Variants in NOX4 observed in about 807,000 individuals in gnomAD.
NOX4 encodes kidney oxidase-1.
Under a neutral mutation model 87.6 loss-of-function variants are expected in NOX4, and 69 were observed. The ratio of observed to expected loss-of-function variants is 0.79; its 90% CI spans 0.65 to 0.96. NOX4 has a LOEUF of 0.96. NOX4 is among the 40% of genes least tolerant of loss of function. The probability of loss-of-function intolerance (pLI) is 0.00; values close to 1 mark genes in which losing one functional copy is unlikely to be tolerated. For missense variants in NOX4, 680 were observed against 681.5 expected, an observed-to-expected ratio of 1.00 and a Z score of 0.02; for synonymous variants, 275 against 238.2, an observed-to-expected ratio of 1.15 and a Z score of -1.42.
Position 89,460,186 on chromosome 11 carries a change from C to T in NOX4, c.154-8291G>A, listed in dbSNP as rs551037249. Among the ~76,000 whole-genome samples the T allele has an allele frequency of 7.2e-5, 11 of 152,162 alleles. No homozygotes were observed. In the South Asian group the frequency reaches 2.1e-3, roughly 29 times the overall value. ...CAAGATGGATTAAAGACTTAAATGT[C>T]AGACCTAAAATCAAAAAAACCCTAG... On this transcript the variant is annotated intron_variant, in intron 2 of 17. Coordinates refer to ENST00000263317, the MANE Select transcript of NOX4 (RefSeq NM_016931.5).
At chr11:89,343,871 T>C (rs1240091616) in intron 13 of NOX4, among the ~76,000 whole-genome samples, 1 of 152,098 alleles carries the variant, frequency 6.6e-6, no homozygotes, top group Admixed American at 6.6e-5. Context: ...AAGATAATTC[T>C]AAGAATAAGA....
intron 8 of NOX4, among the ~76,000 whole-genome samples, chr11:89,418,803 A>C (rs1367063266): frequency 2.0e-5 from 3 of 152,000 alleles, no homozygotes; most frequent in Admixed American, 6.6e-5. Flanking sequence ...GAGGAGCTTA[A>C]AAGAGGCTTG....
At chr11:89,489,502 C>A (rs551013750) in intron 2 of NOX4, among the ~76,000 whole-genome samples, 1 of 151,790 alleles carries the variant, frequency 6.6e-6, no homozygotes, top group Non-Finnish European at 1.5e-5. Context: ...CTGAGGCAGG[C>A]GGATCACTTG....
chr11:89,530,990 G>A, the NOX4 span, among the ~76,000 whole-genome samples: 6 of 152,064 alleles, frequency 3.9e-5, no homozygotes, highest in Non-Finnish European at 8.8e-5. Context: ...TCCTTCCAGT[G>A]ACCCAGCTGC....
the NOX4 span, among the ~76,000 whole-genome samples, chr11:89,531,773 C>A: frequency 6.6e-6 from 1 of 152,240 alleles, no homozygotes; most frequent in Non-Finnish European, 1.5e-5. Context: ...AGCAGCCCCT[C>A]CCATCACAGG....
chr11:89,332,253 C>T lies in NOX4; in HGVS notation c.1616+3592G>A, dbSNP rs1945506781. 2.0e-5 allele frequency among the ~76,000 whole-genome samples: 3 copies of T among 151,674 alleles called. No homozygotes were observed. In the Admixed American group the frequency reaches 2.0e-4, roughly 10 times the overall value. On this transcript the variant is annotated intron_variant, in intron 17 of 17. Coordinates refer to ENST00000263317, the MANE Select transcript of NOX4 (RefSeq NM_016931.5). ...ACAGGAGTAAATGTGAGAGACTAAA[C>T]CTAGTTATTCTTAAATTGTATTGTT...
chr11:89,510,755 G>T, the NOX4 span, among the ~76,000 whole-genome samples: 5 of 151,916 alleles, frequency 3.3e-5, no homozygotes, highest in African/African-American at 1.2e-4. Flanking sequence ...CATGCTTCTG[G>T]CTTACATGGT....
chr11:89,571,660 T>C, the NOX4 span, among the ~76,000 whole-genome samples: 4 of 151,610 alleles, frequency 2.6e-5, no homozygotes, highest in African/African-American at 9.7e-5. Context: ...TGTTATGTTT[T>C]CTTTGTAAAA....
At chr11:89,524,352 T>C in the NOX4 span, among the ~76,000 whole-genome samples, 2 of 152,246 alleles carry the variant, frequency 1.3e-5, no homozygotes, top group African/African-American at 4.8e-5. Flanking sequence ...GTTAAAATAA[T>C]GTAAGGAAAA....
At chr11:89,585,695 C>T in the NOX4 span, among the ~76,000 whole-genome samples, 2 of 152,204 alleles carry the variant, frequency 1.3e-5, no homozygotes, top group African/African-American at 2.4e-5. Flanking sequence ...TGTCCATCCT[C>T]CCGTATGCCT....
At chr11:89,531,968 G>A in the NOX4 span, among the ~76,000 whole-genome samples, 6 of 152,316 alleles carry the variant, frequency 3.9e-5, no homozygotes, top group African/African-American at 7.2e-5. Context: ...GGCAGCTTCC[G>A]TGTGGTGTGG....
chr11:89,409,371 TG>T lies in NOX4; in HGVS notation c.630-6830del, dbSNP rs1031363865. Among the ~76,000 whole-genome samples, 33 of 152,232 alleles carry T rather than the reference TG, an allele frequency of 2.2e-4. No homozygotes were observed. The South Asian group carries it at 2.9e-3, about 13-fold the overall frequency. On this transcript the variant is annotated intron_variant, in intron 8 of 17. Transcript: ENST00000263317. ...AAAGTATTTGGTCTATCTCCAAAAC[TG>T]GGGAAAAAATAAACTCGCAGTTTGG...
intron 4 of NOX4, among the ~76,000 whole-genome samples, chr11:89,446,967 G>C (rs919470406): frequency 1.3e-5 from 2 of 152,106 alleles, no homozygotes; most frequent in East Asian, 1.9e-4. Context: ...GGCTATACAT[G>C]CATGAGGACA....
chr11:89,478,214 C>A (rs1304259468), intron 2 of NOX4, among the ~76,000 whole-genome samples: 5 of 152,070 alleles, frequency 3.3e-5, no homozygotes, highest in Admixed American at 3.3e-4. Flanking sequence ...AAAAAAAAAT[C>A]TTATAAGCGA....
At chr11:89,410,179 A>C (rs760712493) in intron 8 of NOX4, among the ~76,000 whole-genome samples, 3 of 152,200 alleles carry the variant, frequency 2.0e-5, no homozygotes, top group Non-Finnish European at 4.4e-5. Flanking sequence ...TAATCAAAAT[A>C]GTTAAGATTT....
Position 89,400,404 on chromosome 11 carries a change from C to T in NOX4, c.847-25G>A, listed in dbSNP as rs369865996. On this transcript the variant is annotated intron_variant, in intron 9 of 17. Transcript: ENST00000263317. ...TCTAAGACAAATTTTTGAAAATATA[C>T]TTCAAGAAATACTCATATTGTAGAA... The T allele has an allele frequency of 3.0e-4, 465 of 1,540,352 alleles. 1 individual carries two copies. In the African/African-American group the frequency reaches 5.6e-3, roughly 19 times the overall value.
At chr11:89,461,958 C>T (rs191091816) in intron 2 of NOX4, among the ~76,000 whole-genome samples, 283 of 151,214 alleles carry the variant, frequency 1.9e-3, no homozygotes, top group African/African-American at 5.6e-3. Flanking sequence ...AAATGCAATC[C>T]TTAGTAAACT....
chr11:89,455,929 G>A (rs909505594), intron 2 of NOX4, among the ~76,000 whole-genome samples: 12 of 151,980 alleles, frequency 7.9e-5, no homozygotes, highest in African/African-American at 2.9e-4. Context: ...GTAGTGGGAA[G>A]TGGGGAGATG....
At chr11:89,572,388 A>T in the NOX4 span, among the ~76,000 whole-genome samples, 1 of 152,146 alleles carries the variant, frequency 6.6e-6, no homozygotes, top group African/African-American at 2.4e-5. Context: ...GCTCAACTAA[A>T]TTGTGGTCAA....
Sources: gnomAD v4.1 joint callset for allele counts (sites outside exome capture counted in the v4.1 genomes callset) on GRCh38, gnomAD v4.1.1 for gene constraint, MANE v1.5 for transcripts, NCBI Gene and HGNC (gene_info 2026-07-23, HGNC 2026-07-21) for gene names.